Variants in PTPRO observed in about 807,000 individuals in gnomAD.
PTPRO encodes receptor-type tyrosine-protein phosphatase O.
In PTPRO, 62 loss-of-function variants were observed where a neutral mutation model predicts 145.2. The observed-to-expected ratio is 0.43, with a 90% CI of 0.35 to 0.53. PTPRO has a LOEUF of 0.53. Ranked by LOEUF, PTPRO falls within the 20% of genes least tolerant of loss-of-function variation. The probability of loss-of-function intolerance (pLI) is 0.01; values close to 1 mark genes in which losing one functional copy is unlikely to be tolerated. For synonymous variants in PTPRO, 565 were observed against 514.7 expected (o/e 1.10, Z -1.32); for missense variants, 1,345 against 1,482.7 (o/e 0.91, Z 1.53).
At chr12:15,414,761 A>C (rs1939896545) in intron 1 of PTPRO, among the ~76,000 whole-genome samples, 1 of 152,238 alleles carries the variant, frequency 6.6e-6, no homozygotes, top group African/African-American at 2.4e-5. Context: ...GAACCAAGAA[A>C]GTATAGACTA....
chr12:15,522,084 T>C (rs1297107389), intron 10 of PTPRO, among the ~76,000 whole-genome samples: 1 of 152,184 alleles, frequency 6.6e-6, no homozygotes, highest in East Asian at 1.9e-4. Context: ...TTTTCACATC[T>C]ATAAAATGGG....
chr12:15,325,766 T>A (rs1866428425), intron 1 of PTPRO, among the ~76,000 whole-genome samples: 1 of 152,194 alleles, frequency 6.6e-6, no homozygotes, highest in South Asian at 2.1e-4. Flanking sequence ...TCAGTATAAG[T>A]ACTTTGTCTA....
intron 6 of PTPRO, among the ~76,000 whole-genome samples, chr12:15,505,818 G>A (rs1942310029): frequency 1.3e-5 from 2 of 152,146 alleles, no homozygotes; most frequent in Admixed American, 1.3e-4. Flanking sequence ...GTGTTGAGCT[G>A]TTACATTACA....
At chr12:15,437,203 C>T (rs1035347624) in intron 1 of PTPRO, among the ~76,000 whole-genome samples, 3 of 151,076 alleles carry the variant, frequency 2.0e-5, no homozygotes, top group African/African-American at 7.3e-5. Flanking sequence ...GAGCCACCTA[C>T]CCTCCTTGTG....
chr12:15,468,345 C>T (rs976647123), intron 1 of PTPRO, among the ~76,000 whole-genome samples: 10 of 152,228 alleles, frequency 6.6e-5, no homozygotes, highest in Non-Finnish European at 1.0e-4. Flanking sequence ...TTCCCATCGC[C>T]TTTAGCATAA....
At chr12:15,492,409 G>A (rs1942017800) in intron 2 of PTPRO, among the ~76,000 whole-genome samples, 2 of 152,024 alleles carry the variant, frequency 1.3e-5, no homozygotes, top group Non-Finnish European at 1.5e-5. Context: ...CAGGGAATTA[G>A]TGGGAAAAAA....
intron 7 of PTPRO, among the ~76,000 whole-genome samples, chr12:15,513,275 G>A (rs1176485111): frequency 9.5e-6 from 1 of 105,634 alleles, no homozygotes; most frequent in East Asian, 2.1e-4. Flanking sequence ...AAGGAAGGAG[G>A]GAGGGAGGGA....
intron 2 of PTPRO, among the ~76,000 whole-genome samples, chr12:15,484,854 T>A (rs1941853719): frequency 6.6e-6 from 1 of 152,158 alleles, no homozygotes; most frequent in Non-Finnish European, 1.5e-5. Context: ...TTTTTAGGAA[T>A]ACTTTTAACT....
intron 2 of PTPRO, among the ~76,000 whole-genome samples, chr12:15,485,897 A>T (rs1024262664): frequency 6.6e-6 from 1 of 152,098 alleles, no homozygotes; most frequent in African/African-American, 2.4e-5. Context: ...TTTTTCACTG[A>T]TTCCTTGAGG....
chr12:15,441,678 C>G (rs1940769068), intron 1 of PTPRO, among the ~76,000 whole-genome samples: 1 of 152,086 alleles, frequency 6.6e-6, no homozygotes, highest in Admixed American at 6.5e-5. Context: ...GACATTACAA[C>G]TGATCCCACC....
chr12:15,561,427 ATTG>A (rs1943769917), intron 17 of PTPRO, among the ~76,000 whole-genome samples: 1 of 152,102 alleles, frequency 6.6e-6, no homozygotes, highest in East Asian at 1.9e-4. Flanking sequence ...CAAAATAGAG[ATTG>A]TTAATTCCAG....
chr12:15,415,267 T>C (rs532731226), intron 1 of PTPRO, among the ~76,000 whole-genome samples: 1 of 152,324 alleles, frequency 6.6e-6, no homozygotes, highest in South Asian at 2.1e-4. Context: ...CTTTGCTATG[T>C]CTCAGCTAAT....
intron 1 of PTPRO, among the ~76,000 whole-genome samples, chr12:15,343,009 T>C (rs1209449915): frequency 6.6e-6 from 1 of 152,148 alleles, no homozygotes; most frequent in Non-Finnish European, 1.5e-5. Flanking sequence ...CCCATCACAT[T>C]AAAAATAGCA....
intron 1 of PTPRO, among the ~76,000 whole-genome samples, chr12:15,420,935 T>G (rs1565619549): frequency 6.6e-6 from 1 of 152,246 alleles, no homozygotes; most frequent in East Asian, 1.9e-4. Flanking sequence ...TTAACTGTGC[T>G]GCTGCTGATG....
intron 1 of PTPRO, among the ~76,000 whole-genome samples, chr12:15,438,422 T>C (rs1342124645): frequency 6.6e-6 from 1 of 151,940 alleles, no homozygotes; most frequent in Non-Finnish European, 1.5e-5. Context: ...AGGAAGCTCA[T>C]TCAGATCCAA....
intron 12 of PTPRO, among the ~76,000 whole-genome samples, chr12:15,541,296 T>C (rs1943175544): frequency 6.6e-6 from 1 of 152,258 alleles, no homozygotes; most frequent in African/African-American, 2.4e-5. Flanking sequence ...TTTCATTTAC[T>C]CTTCTCAACA....
chr12:15,493,614 A>G (rs1942043801), intron 2 of PTPRO, among the ~76,000 whole-genome samples: 1 of 152,198 alleles, frequency 6.6e-6, no homozygotes, highest in Non-Finnish European at 1.5e-5. Context: ...CACACCTCAG[A>G]GTGGCAAAAA....
chr12:15,463,007 T>G (rs1260126394), intron 1 of PTPRO, among the ~76,000 whole-genome samples: 2 of 152,180 alleles, frequency 1.3e-5, no homozygotes, highest in Non-Finnish European at 2.9e-5. Flanking sequence ...CTCATCATAT[T>G]ATTATAAATT....
intron 12 of PTPRO, among the ~76,000 whole-genome samples, chr12:15,538,939 T>C (rs556266492): frequency 3.5e-4 from 53 of 152,362 alleles, no homozygotes; most frequent in African/African-American, 1.3e-3. Flanking sequence ...GATGATCTTT[T>C]ATGCTCCTTC....
Sources: allele counts gnomAD v4.1 joint callset (sites outside exome capture counted in the v4.1 genomes callset), GRCh38; gene constraint gnomAD v4.1.1; transcripts MANE v1.5; gene names NCBI Gene and HGNC (gene_info 2026-07-23, HGNC 2026-07-21).